Variants in BICD1 observed in about 807,000 individuals in gnomAD.
The protein encoded by BICD1 is protein bicaudal D homolog 1.
A neutral mutation model predicts 92.5 loss-of-function variants in BICD1; 35 were observed. The ratio of observed to expected loss-of-function variants is 0.38; its 90% CI spans 0.29 to 0.50. The LOEUF (loss-of-function observed/expected upper bound fraction) is 0.50. Among genes scored for constraint, BICD1 ranks in the 20% least tolerant of loss-of-function variants. The pLI is 0.93. For synonymous variants in BICD1, 429 were observed against 465.1 expected (o/e 0.92, Z 1.00); for missense variants, 950 against 1,189.8 (o/e 0.80, Z 2.97).
rs559684278 is a variant in BICD1, at chr12:32,298,522, G to A, written c.579+4376G>A. Among the ~76,000 whole-genome samples the A allele has an allele frequency of 2.3e-4, 31 of 132,082 alleles. No individual in the cohort carries two copies. In the East Asian group the frequency reaches 6.0e-3, roughly 26 times the overall value. 86.7% of individuals were successfully genotyped at this position (132,082 alleles called of 152,430 possible). ...GGAGGTTGCAGTGAGCCGAGATCAC[G>A]CCACTGCACTGCAGCCTGGGTGACA... is the stretch of plus-strand genomic sequence containing the variant. On this transcript the variant is annotated intron_variant, in intron 3 of 9. Coordinates refer to ENST00000652176, the MANE Select transcript of BICD1 (RefSeq NM_001714.4).
At chr12:32,362,821 C>T (rs564044310) in intron 8 of BICD1, among the ~76,000 whole-genome samples, 33 of 115,314 alleles carry the variant, frequency 2.9e-4, no homozygotes, top group Middle Eastern at 4.8e-3. Flanking sequence ...ACTGTGATGG[C>T]AAATTCTGTG....
chr12:32,191,071 C>T (rs1397368918), intron 1 of BICD1, among the ~76,000 whole-genome samples: 7 of 152,082 alleles, frequency 4.6e-5, no homozygotes, highest in East Asian at 1.9e-4. Context: ...CCAAAAGTTA[C>T]AGGATGCAGC....
intron 5 of BICD1, among the ~76,000 whole-genome samples, chr12:32,330,001 A>C (rs563563596): frequency 1.3e-5 from 2 of 152,200 alleles, no homozygotes; most frequent in Non-Finnish European, 2.9e-5. Context: ...GTGCCAGTGA[A>C]TAGTAGGTCA....
At chr12:32,240,089 A>G (rs979307253) in intron 2 of BICD1, among the ~76,000 whole-genome samples, 2 of 152,208 alleles carry the variant, frequency 1.3e-5, no homozygotes, top group African/African-American at 2.4e-5. Flanking sequence ...TAATATCTCC[A>G]AGATATGCCT....
At chr12:32,332,028 A>C (rs572673221) in intron 5 of BICD1, among the ~76,000 whole-genome samples, 53 of 152,336 alleles carry the variant, frequency 3.5e-4, no homozygotes, top group Non-Finnish European at 6.6e-4. Context: ...GCATTCTACT[A>C]TACAGCCATA....
chr12:32,123,929 C>G (rs1045554074), intron 1 of BICD1, among the ~76,000 whole-genome samples: 2 of 151,980 alleles, frequency 1.3e-5, no homozygotes, highest in African/African-American at 4.8e-5. Flanking sequence ...TGGAGTAGAC[C>G]ACTTGTTTTA....
At chr12:32,371,056 A>C (rs1424768959) in intron 9 of BICD1, among the ~76,000 whole-genome samples, 1 of 152,114 alleles carries the variant, frequency 6.6e-6, no homozygotes, top group Non-Finnish European at 1.5e-5. Context: ...TTTTTTGAGA[A>C]CCAGTTTGAC....
chr12:32,269,550 G>T (rs183663096), intron 2 of BICD1, among the ~76,000 whole-genome samples: 20 of 152,266 alleles, frequency 1.3e-4, no homozygotes, highest in Non-Finnish European at 2.5e-4. Context: ...TTAGAGAAAT[G>T]ATTTTAGTAA....
At chr12:32,188,639 G>A (rs1457887750) in intron 1 of BICD1, among the ~76,000 whole-genome samples, 1 of 152,134 alleles carries the variant, frequency 6.6e-6, no homozygotes, top group East Asian at 1.9e-4. Context: ...ATTTGTGTCT[G>A]TTGGCCTAAG....
chr12:32,300,629 GTA>G (rs1565653179), intron 3 of BICD1, among the ~76,000 whole-genome samples: 8 of 108,300 alleles, frequency 7.4e-5, no homozygotes, highest in African/African-American at 2.8e-4. Context: ...TGACTTTACA[GTA>G]TTTTTTTTTT....
chr12:32,182,875 TTCTTTTCTTTCTTTC>T lies in BICD1; in HGVS notation c.214-33370_214-33356del, dbSNP rs1348113161. On this transcript the variant is annotated intron_variant, in intron 1 of 9. Transcript: ENST00000652176. The stretch of plus-strand genomic sequence containing the variant: ...AAATTTGTGTTTTTTTCTTTTTCTT[TTCTTTTCTTTCTTTC>T]TTTTTTTTTTTTTTTTTTTAAAGAG... 2.8e-5 allele frequency among the ~76,000 whole-genome samples: 4 copies of T among 141,080 alleles called. No homozygotes were observed. The East Asian group carries it at 6.1e-4, about 22-fold the overall frequency. 92.6% of individuals were successfully genotyped at this position (141,080 alleles called of 152,430 possible). A position where few individuals can be genotyped will look rare whatever the true frequency, so the allele number is the denominator to read the frequency against.
chr12:32,340,331 G>A, intron 8 of BICD1: 1 of 985,346 alleles, frequency 1.0e-6, no homozygotes, highest in South Asian at 4.7e-5. Flanking sequence ...ACTGCTTGGT[G>A]TTTTTAATTT....
At chr12:32,309,725 G>A (rs981882326) in intron 4 of BICD1, among the ~76,000 whole-genome samples, 2 of 152,066 alleles carry the variant, frequency 1.3e-5, no homozygotes, top group South Asian at 4.1e-4. Context: ...TCAGTTTTGC[G>A]CACCTCAGCT....
At chr12:32,251,192 A>G (rs984337778) in intron 2 of BICD1, among the ~76,000 whole-genome samples, 13 of 152,216 alleles carry the variant, frequency 8.5e-5, no homozygotes, top group African/African-American at 3.1e-4. Flanking sequence ...AATTAAAAAT[A>G]TCTTCTTGTT....
chr12:32,215,551 T>G (rs555218676), intron 1 of BICD1, among the ~76,000 whole-genome samples: 2 of 152,320 alleles, frequency 1.3e-5, no homozygotes, highest in South Asian at 4.1e-4. Flanking sequence ...ATGATTGTTT[T>G]CTTTTTTGTA....
chr12:32,351,766 G>T (rs1027106545), intron 8 of BICD1, among the ~76,000 whole-genome samples: 1 of 149,364 alleles, frequency 6.7e-6, no homozygotes, highest in African/African-American at 2.5e-5. Context: ...AGCTGGGCAT[G>T]GTGGTGCATT....
intron 1 of BICD1, among the ~76,000 whole-genome samples, chr12:32,175,799 C>T (rs1944073642): frequency 6.6e-6 from 1 of 152,182 alleles, no homozygotes; most frequent in African/African-American, 2.4e-5. Context: ...AGTGATGCAA[C>T]TGTAATGTAA....
chr12:32,368,512 T>C (rs1375946907), intron 9 of BICD1, among the ~76,000 whole-genome samples: 3 of 151,946 alleles, frequency 2.0e-5, no homozygotes, highest in Non-Finnish European at 4.4e-5. Context: ...CTGGGCAACA[T>C]GGTGAAACCC....
At chr12:32,183,516 C>T (rs984470621) in intron 1 of BICD1, among the ~76,000 whole-genome samples, 4 of 152,152 alleles carry the variant, frequency 2.6e-5, no homozygotes, top group African/African-American at 4.8e-5. Flanking sequence ...CTGCCCACCT[C>T]GGCCTCCCAA....
Sources: allele counts gnomAD v4.1 joint callset (sites outside exome capture counted in the v4.1 genomes callset), GRCh38; gene constraint gnomAD v4.1.1; transcripts MANE v1.5; gene names NCBI Gene and HGNC (gene_info 2026-07-23, HGNC 2026-07-21).